Variants in DST observed in about 807,000 individuals in gnomAD.
The protein encoded by DST is bullous pemphigoid antigen.
DST carries 253 observed loss-of-function variants against 875.2 expected under a neutral mutation model. That is an observed-to-expected ratio of 0.29 (90% CI 0.26 to 0.32). The LOEUF is 0.32. DST is among the 10% of genes least tolerant of loss of function. DST has a pLI of 1.00. For missense variants in DST, 8,287 were observed against 9,111.6 expected (o/e 0.91, Z 3.68); for synonymous variants, 3,124 against 3,197.1 (o/e 0.98, Z 0.77).
intron 93 of DST, among the ~76,000 whole-genome samples, chr6:56,473,483 G>C (rs182481455): frequency 6.6e-6 from 1 of 152,206 alleles, no homozygotes; most frequent in East Asian, 1.9e-4. Context: ...GGTCACCAAT[G>C]AACAACTAAG....
intron 53 of DST, 72 bp downstream of exon 53, chr6:56,572,028 A>G (rs2097788187): frequency 2.3e-6 from 2 of 851,604 alleles, no homozygotes; most frequent in African/African-American, 1.8e-5. Flanking sequence ...AGTTATCTAT[A>G]TAAGTAAATA....
At chr6:56,810,575 T>C (rs2099758654) in intron 4 of DST, among the ~76,000 whole-genome samples, 1 of 152,146 alleles carries the variant, frequency 6.6e-6, no homozygotes, top group South Asian at 2.1e-4. Flanking sequence ...AATCCTCTTC[T>C]GAAATATGTG....
intron 102 of DST, chr6:56,460,555 T>C (rs937959257): frequency 1.7e-5 from 4 of 240,456 alleles, no homozygotes; most frequent in African/African-American, 9.0e-5. Context: ...AAATAAATGG[T>C]GAGTATGTTA....
intron 36 of DST, chr6:56,615,192 G>C (rs766709440): frequency 1.0e-4 from 119 of 1,154,074 alleles, no homozygotes; most frequent in South Asian, 4.8e-4. Flanking sequence ...TTCAATGAAG[G>C]GGAGTTCTGA....
At chr6:56,543,785 G>A (rs6914184) in intron 61 of DST, among the ~76,000 whole-genome samples, 99,303 of 152,048 alleles carry the variant, frequency 0.65, 33,116 homozygotes, top group Non-Finnish European at 0.71. Flanking sequence ...TAATTTTACA[G>A]AAAAGATGTG....
At chr6:56,544,094 G>A (rs1294167343) in intron 61 of DST, among the ~76,000 whole-genome samples, 1 of 152,174 alleles carries the variant, frequency 6.6e-6, no homozygotes, top group Non-Finnish European at 1.5e-5. Flanking sequence ...TGATTCTGTG[G>A]TGTTCAAGCA....
intron 10 of DST, among the ~76,000 whole-genome samples, chr6:56,659,005 G>A (rs756163083): frequency 1.8e-4 from 27 of 152,182 alleles, no homozygotes; most frequent in Admixed American, 6.5e-4. Context: ...TCTCATGAAC[G>A]TCTTAAAGGA....
chr6:56,817,900 G>A (rs2099768467), intron 4 of DST, among the ~76,000 whole-genome samples: 1 of 152,138 alleles, frequency 6.6e-6, no homozygotes, highest in Non-Finnish European at 1.5e-5. Flanking sequence ...ATCTTGTGAT[G>A]GGGAGACTAG....
Position 56,608,090 on chromosome 6 carries a change from C to T in DST, c.6538G>A (p.Glu2180Lys). Residue 2180 changes from glutamate to lysine, a missense_variant, in exon 40 of 104, where the codon GAG becomes AAG. Glu to Lys is a moderately conservative substitution (Grantham distance 56). Coordinates refer to ENST00000680361, the MANE Select transcript of DST (RefSeq NM_001374736.1). ...GGTTCTTCTCCATCAAAAACATCCTCTTCTTGTCTGTAATCATGAACTGTG... is the reference window on the plus strand; with the variant it reads ...GGTTCTTCTCCATCAAAAACATCCTTTTCTTGTCTGTAATCATGAACTGTG... ...PSTVHDYRQEEDVFDGEEPVT... is the reference protein window; with the variant it reads ...PSTVHDYRQEKDVFDGEEPVT... 2 of 1,613,692 alleles carry T rather than the reference C, an allele frequency of 1.2e-6. No individual in the cohort carries two copies. Among genetic ancestry groups the T allele is most frequent in the African/African-American group, 1.3e-5 (1 of 75,028 alleles).
intron 79 of DST, 62 bp downstream of exon 79, chr6:56,501,458 A>G: frequency 7.7e-7 from 1 of 1,290,554 alleles, no homozygotes; most frequent in Non-Finnish European, 1.0e-6. Flanking sequence ...TTTAATAATT[A>G]TTTTACATTA....
intron 3 of DST, among the ~76,000 whole-genome samples, chr6:56,857,617 C>CAGCATCACAT (rs1298286116): frequency 1.3e-5 from 2 of 152,138 alleles, no homozygotes; most frequent in African/African-American, 4.8e-5. Flanking sequence ...AACATAGGTT[C>CAGCATCACAT]AGCATCACAT....
intron 4 of DST, among the ~76,000 whole-genome samples, chr6:56,780,725 G>A (rs574173990): frequency 6.6e-6 from 1 of 150,500 alleles, no homozygotes; most frequent in East Asian, 1.9e-4. Context: ...AAGCTCTTTA[G>A]TTTAATTAGA....
At chr6:56,670,394 T>C in intron 10 of DST, 1 of 276,882 alleles carries the variant, frequency 3.6e-6, no homozygotes, top group Non-Finnish European at 6.6e-6. Context: ...AGAGAGGGTT[T>C]TACCCTTTTG....
In DST at chr6:56,634,530, C is replaced by T. The variant is rs1276209420; in HGVS notation, c.3426G>A (p.Glu1142=). 6.2e-7 allele frequency: 1 copy of T among 1,614,068 alleles called. No homozygotes were observed. The highest frequency in any genetic ancestry group is 8.5e-7 in the Non-Finnish European group (1 of 1,180,040). Residue 1142 remains glutamate (E), a synonymous_variant, in exon 26 of 104, where the codon GAG becomes GAA. Coordinates refer to ENST00000680361, the MANE Select transcript of DST (RefSeq NM_001374736.1). ...TGAAGCACACAGATGGGACCATAGCCTCATTCCCAGTAGGACTAATGACCT... is the reference window on the plus strand; with the variant it reads ...TGAAGCACACAGATGGGACCATAGCTTCATTCCCAGTAGGACTAATGACCT... ...KWKVISPTGN[E]AMVPSVCFTV... is the part of the protein sequence containing the mutation.
intron 2 of DST, among the ~76,000 whole-genome samples, chr6:56,947,349 C>A (rs981109010): frequency 6.7e-6 from 1 of 150,234 alleles, no homozygotes; most frequent in African/African-American, 2.5e-5. Context: ...CTCCCAGGTT[C>A]AAACGATTCT....
At chr6:56,882,518 T>C (rs763925648) in intron 3 of DST, among the ~76,000 whole-genome samples, 2 of 152,214 alleles carry the variant, frequency 1.3e-5, no homozygotes, top group Non-Finnish European at 2.9e-5. Flanking sequence ...GAGTTAGAAA[T>C]GTATAAATCA....
intron 10 of DST, among the ~76,000 whole-genome samples, chr6:56,669,010 G>A (rs1303095502): frequency 6.6e-6 from 1 of 151,892 alleles, no homozygotes; most frequent in Non-Finnish European, 1.5e-5. Context: ...GTATAAACTT[G>A]GTAAACCTAA....
intron 3 of DST, among the ~76,000 whole-genome samples, chr6:56,884,471 ATACTT>A (rs1276756078): frequency 5.3e-5 from 8 of 152,352 alleles, no homozygotes; most frequent in Non-Finnish European, 1.2e-4. Flanking sequence ...TTTAGCAAGA[ATACTT>A]TATAAGTATT....
intron 2 of DST, among the ~76,000 whole-genome samples, chr6:56,920,732 T>C (rs1803696113): frequency 1.4e-5 from 2 of 145,994 alleles, no homozygotes; most frequent in South Asian, 4.4e-4. Context: ...TCTTCCTTTT[T>C]TTTTTTTTTT....
Sources: gnomAD v4.1 joint callset for allele counts (sites outside exome capture counted in the v4.1 genomes callset) on GRCh38, gnomAD v4.1.1 for gene constraint, MANE v1.5 for transcripts, NCBI Gene and HGNC (gene_info 2026-07-23, HGNC 2026-07-21) for gene names.